Variants in VWC2L observed in about 807,000 individuals in gnomAD.
The protein encoded by VWC2L is von Willebrand factor C domain containing 2 like.
VWC2L carries 10 observed loss-of-function variants against 21.6 expected under a neutral mutation model. The observed-to-expected ratio is 0.46, with a 90% CI of 0.29 to 0.78. The LOEUF (loss-of-function observed/expected upper bound fraction) is 0.78. VWC2L is among the 30% of genes least tolerant of loss of function. The probability of loss-of-function intolerance (pLI) is 0.10; values close to 1 mark genes in which losing one functional copy is unlikely to be tolerated. For missense variants in VWC2L, 209 were observed against 277.1 expected (o/e 0.75, Z 1.74); for synonymous variants, 96 against 94.3 (o/e 1.02, Z -0.10).
intron 3 of VWC2L, among the ~76,000 whole-genome samples, chr2:214,437,998 T>G (rs994665511): frequency 5.3e-5 from 8 of 152,174 alleles, no homozygotes; most frequent in African/African-American, 1.9e-4. Context: ...CCAATCTACC[T>G]GTCATAGTGA....
intron 2 of VWC2L, among the ~76,000 whole-genome samples, chr2:214,432,321 C>CA (rs1223748911): frequency 6.6e-6 from 1 of 151,858 alleles, no homozygotes; most frequent in East Asian, 1.9e-4. Flanking sequence ...GCAAATTTAC[C>CA]AAAAAAATGT....
chr2:214,526,079 T>C (rs192563748), intron 3 of VWC2L, among the ~76,000 whole-genome samples: 13 of 150,374 alleles, frequency 8.6e-5, no homozygotes, highest in Non-Finnish European at 1.2e-4. Context: ...ATAACATATA[T>C]TATTAATATA....
intron 3 of VWC2L, among the ~76,000 whole-genome samples, chr2:214,564,426 A>G (rs933623852): frequency 6.6e-6 from 1 of 152,128 alleles, no homozygotes; most frequent in African/African-American, 2.4e-5. Flanking sequence ...CTATACTACA[A>G]GGCAACAGTA....
chr2:214,476,984 C>T (rs921528270), intron 3 of VWC2L, among the ~76,000 whole-genome samples: 1 of 152,136 alleles, frequency 6.6e-6, no homozygotes, highest in Non-Finnish European at 1.5e-5. Context: ...GAACCCTACA[C>T]TCAGGAAACT....
chr2:214,414,014 A>C, intron 1 of VWC2L, 100 bp from the exon 2 acceptor site: 2 of 639,016 alleles, frequency 3.1e-6, no homozygotes, highest in Non-Finnish European at 5.0e-6. Flanking sequence ...AGGACTTAGT[A>C]TCTTCAAATT....
At chr2:214,529,062 G>A (rs556958086) in intron 3 of VWC2L, among the ~76,000 whole-genome samples, 5 of 152,230 alleles carry the variant, frequency 3.3e-5, no homozygotes, top group East Asian at 3.9e-4. Flanking sequence ...GAAACTGGTC[G>A]CTGGAGAGTA....
At chr2:214,509,442 C>A (rs1367123949) in intron 3 of VWC2L, among the ~76,000 whole-genome samples, 1 of 143,454 alleles carries the variant, frequency 7.0e-6, no homozygotes, top group Admixed American at 7.5e-5. Flanking sequence ...TTTTCTACTT[C>A]TCTAAAGAAA....
intron 3 of VWC2L, among the ~76,000 whole-genome samples, chr2:214,479,638 CTACTAAAAATATAAAA>C (rs749137274): frequency 4.6e-5 from 7 of 152,228 alleles, no homozygotes; most frequent in African/African-American, 1.7e-4. Context: ...AACCCCATCT[CTACTAAAAATATAAAA>C]ATTAGCTGGG....
intron 3 of VWC2L, among the ~76,000 whole-genome samples, chr2:214,558,481 T>C (rs1375476648): frequency 6.6e-6 from 1 of 152,192 alleles, no homozygotes; most frequent in Non-Finnish European, 1.5e-5. Context: ...CAGCATTCCA[T>C]ACACTTGTTC....
intron 3 of VWC2L, among the ~76,000 whole-genome samples, chr2:214,499,254 G>A (rs973774246): frequency 4.6e-5 from 7 of 151,628 alleles, no homozygotes; most frequent in East Asian, 1.9e-4. Flanking sequence ...TCCTGACCTC[G>A]TGATCCACCT....
chr2:214,426,222 A>G (rs573224052), intron 2 of VWC2L, among the ~76,000 whole-genome samples: 1 of 151,462 alleles, frequency 6.6e-6, no homozygotes, highest in Admixed American at 6.6e-5. Context: ...GAACTAAAGG[A>G]AGATATGCTA....
chr2:214,493,360 G>C (rs1401129380), intron 3 of VWC2L, among the ~76,000 whole-genome samples: 4 of 152,264 alleles, frequency 2.6e-5, no homozygotes, highest in South Asian at 4.1e-4. Flanking sequence ...ATGCTAACAA[G>C]AACAAAAGGA....
At chr2:214,444,802 C>T (rs1211724883) in intron 3 of VWC2L, among the ~76,000 whole-genome samples, 2 of 151,802 alleles carry the variant, frequency 1.3e-5, no homozygotes, top group Non-Finnish European at 2.9e-5. Context: ...TAGAAAAGTT[C>T]ATTTTTTGAA....
chr2:214,450,283 G>T (rs1319533281), intron 3 of VWC2L, among the ~76,000 whole-genome samples: 1 of 152,136 alleles, frequency 6.6e-6, no homozygotes. Context: ...AAGTGCAAGA[G>T]TCAGGTCTCA....
chr2:214,478,220 A>T (rs888160582), intron 3 of VWC2L, among the ~76,000 whole-genome samples: 4 of 152,152 alleles, frequency 2.6e-5, no homozygotes, highest in Non-Finnish European at 5.9e-5. Flanking sequence ...TTATTATTTT[A>T]AAAAATAATA....
chr2:214,526,099 AT>A (rs1689331247), intron 3 of VWC2L, among the ~76,000 whole-genome samples: 1 of 150,126 alleles, frequency 6.7e-6, no homozygotes, highest in Non-Finnish European at 1.5e-5. Context: ...ATTTTTATAT[AT>A]TCATCTATTA....
At position 214,436,759 on chromosome 2, in the gene VWC2L, G is replaced by GTC; in HGVS notation, c.520+2_520+3insCT. 1 of 1,612,998 alleles carries GTC rather than the reference G, an allele frequency of 6.2e-7. No homozygotes were observed. Among genetic ancestry groups the GTC allele is most frequent in the Non-Finnish European group, 8.5e-7 (1 of 1,179,212 alleles). On this transcript the variant is annotated splice_donor_variant, in intron 3 of 3. Coordinates refer to ENST00000312504, the MANE Select transcript of VWC2L (RefSeq NM_001080500.4). LOFTEE classifies it high-confidence loss of function. ...CAATGTTGTCCTGTCTGCAAAAATG[G>GTC]TAAGACCACACTGCATTAGCTTTTG...
intron 2 of VWC2L, 61 bp from the exon 3 acceptor site, chr2:214,436,568 A>T: frequency 6.3e-7 from 1 of 1,591,192 alleles, no homozygotes; most frequent in Non-Finnish European, 8.6e-7. Context: ...TTCTGACAGC[A>T]TATGAATGTG....
intron 3 of VWC2L, among the ~76,000 whole-genome samples, chr2:214,524,717 T>C (rs1292999212): frequency 6.6e-6 from 1 of 152,160 alleles, no homozygotes; most frequent in Non-Finnish European, 1.5e-5. Context: ...TGATGCCGCA[T>C]CAATGCCCCA....
Sources: gnomAD v4.1 joint callset for allele counts (sites outside exome capture counted in the v4.1 genomes callset) on GRCh38, gnomAD v4.1.1 for gene constraint, MANE v1.5 for transcripts, NCBI Gene and HGNC (gene_info 2026-07-23, HGNC 2026-07-21) for gene names.